The following TMEM230 variants were observed in gnomAD, a reference collection of about 807,000 sequenced individuals.
The protein encoded by TMEM230 is UPF0414 transmembrane protein C20orf30.
Under a neutral mutation model 15.8 loss-of-function variants are expected in TMEM230, and 10 were observed. The observed-to-expected ratio is 0.63, with a 90% CI of 0.39 to 1.07. TMEM230 has a LOEUF of 1.07. TMEM230 is among the 50% of genes least tolerant of loss of function. The pLI is 0.01. For synonymous variants in TMEM230, 67 were observed against 76.9 expected, an observed-to-expected ratio of 0.87 and a Z score of 0.68; for missense variants, 165 against 193.3, an observed-to-expected ratio of 0.85 and a Z score of 0.87.
chr20:5,100,861 C>A lies in TMEM230; in HGVS notation c.482G>T (p.Arg161Leu), dbSNP rs1568498318. Residue 161 changes from arginine to leucine, a missense_variant, in exon 5 of 5, where the codon CGC becomes CTC. By Grantham distance (102) the Arg-to-Leu change is moderately radical. Transcript: ENST00000342308. The stretch of plus-strand genomic sequence containing the variant: ...GCCTTTGGATGCATAGTAAGCGATG[C>A]GCAGGTGGTAAAATCCGGGTAGGAA... 1.2e-6 allele frequency: 2 copies of A among 1,614,116 alleles called. No individual in the cohort carries two copies. The highest frequency in any genetic ancestry group is 1.7e-6 in the Non-Finnish European group (2 of 1,180,028).
At chr20:5,112,811 G>A in intron 1 of TMEM230, 150 bp downstream of exon 1, 4 of 1,511,214 alleles carry the variant, frequency 2.6e-6, no homozygotes, top group Non-Finnish European at 3.5e-6. Context: ...CAAACAAAAC[G>A]GGCTTCTGGA....
At chr20:5,103,514 T>A (rs1318740090) in intron 4 of TMEM230, among the ~76,000 whole-genome samples, 1 of 150,892 alleles carries the variant, frequency 6.6e-6, no homozygotes, top group Non-Finnish European at 1.5e-5. Context: ...GAAAAAAAAA[T>A]TAACCAAGTG....
At chr20:5,069,335 G>A (rs1217908134) in exon 4 of TMEM230, 1 of 1,534,250 alleles carries the variant, frequency 6.5e-7, no homozygotes, top group African/African-American at 1.4e-5. Context: ...GTTCCCGTGA[G>A]GTGGATTCGA....
chr20:5,090,780 G>C (rs993499891), intron 3 of TMEM230, among the ~76,000 whole-genome samples: 1 of 152,140 alleles, frequency 6.6e-6, no homozygotes, highest in Non-Finnish European at 1.5e-5. Context: ...CTGAAAGCAC[G>C]TGTCTGCGAT....
chr20:5,073,439 T>G (rs1030833506), intron 3 of TMEM230, among the ~76,000 whole-genome samples: 5 of 152,244 alleles, frequency 3.3e-5, no homozygotes, highest in African/African-American at 1.2e-4. Flanking sequence ...CTGTGTATCC[T>G]GGCTTGGTGC....
intron 4 of TMEM230, among the ~76,000 whole-genome samples, chr20:5,103,940 GA>G (rs2089973097): frequency 6.6e-6 from 1 of 152,006 alleles, no homozygotes; most frequent in Admixed American, 6.6e-5. Flanking sequence ...ACAGATAAAT[GA>G]GATCACATCC....
intron 3 of TMEM230, among the ~76,000 whole-genome samples, chr20:5,089,231 C>T (rs530372229): frequency 6.6e-6 from 1 of 151,962 alleles, no homozygotes. Flanking sequence ...AAAAATTAGC[C>T]GGGCGTGGTG....
At chr20:5,099,082 T>C (rs2089751046), downstream of TMEM230, among the ~76,000 whole-genome samples, 1 of 151,782 alleles carries the variant, frequency 6.6e-6, no homozygotes, top group Non-Finnish European at 1.5e-5. Context: ...TCCCAACACT[T>C]TGGGAGGCAA....
At position 5,076,729 on chromosome 20, in the gene TMEM230, G is replaced by A. The variant is rs368216447; in HGVS notation, c.223-7380C>T. Among the ~76,000 whole-genome samples, 385 of 142,076 alleles carry A rather than the reference G, an allele frequency of 2.7e-3. 1 individual carries two copies. The highest frequency in any genetic ancestry group is 9.0e-3 in the African/African-American group (345 of 38,410). The allele number at this position is 142,076 out of a possible 152,430, so 93.2% of individuals were successfully genotyped here. On this transcript the variant is annotated intron_variant, in intron 3 of 3. Transcript: ENST00000612323. ...GTCTTGCTTTGTTGCCCAGGCTGGA[G>A]TGCAGTGGTACAGTCTTGGCTCACT...
intron 3 of TMEM230, among the ~76,000 whole-genome samples, chr20:5,083,753 T>A (rs2089250561): frequency 6.6e-6 from 1 of 152,250 alleles, no homozygotes; most frequent in Admixed American, 6.5e-5. Context: ...TGCTTTAGAT[T>A]CTAGAATGCC....
Position 5,100,412 on chromosome 20 carries a change from A to G in TMEM230, c.*379T>C. On this transcript the variant is annotated 3_prime_UTR_variant, in exon 5 of 5. Transcript: ENST00000342308. ...ATATTTTTAAAATAAATTACTTAATAATAAGAAATTAGCCATACCACATTG... is the reference window on the plus strand; with the variant it reads ...ATATTTTTAAAATAAATTACTTAATGATAAGAAATTAGCCATACCACATTG... 1 of 995,124 alleles carries G rather than the reference A, an allele frequency of 1.0e-6. No individual in the cohort carries two copies. 61.6% of individuals were successfully genotyped at this position (995,124 alleles called of 1,614,324 possible).
intron 3 of TMEM230, among the ~76,000 whole-genome samples, chr20:5,078,078 A>C (rs2089058729): frequency 6.6e-6 from 1 of 152,200 alleles, no homozygotes; most frequent in Non-Finnish European, 1.5e-5. Context: ...TCTGAGGCAG[A>C]GCAGTAGAAA....
At chr20:5,092,886 C>T (rs6053103) in intron 3 of TMEM230, among the ~76,000 whole-genome samples, 104,642 of 152,068 alleles carry the variant, frequency 0.69, 36,834 homozygotes, top group East Asian at 0.84. Flanking sequence ...ATTTACCTTG[C>T]ATGACAAATT....
intron 4 of TMEM230, among the ~76,000 whole-genome samples, chr20:5,104,497 T>C (rs145264724): frequency 6.6e-6 from 1 of 152,316 alleles, no homozygotes; most frequent in African/African-American, 2.4e-5. Flanking sequence ...AGAACTACCA[T>C]ATGATCCAGC....
downstream of TMEM230, among the ~76,000 whole-genome samples, chr20:5,099,117 G>C (rs2089751821): frequency 6.6e-6 from 1 of 151,726 alleles, no homozygotes; most frequent in Non-Finnish European, 1.5e-5. Context: ...CTTGAGCCCA[G>C]GAATTCAAGG....
chr20:5,090,899 G>T (rs2089489161), intron 3 of TMEM230, among the ~76,000 whole-genome samples: 1 of 152,182 alleles, frequency 6.6e-6, no homozygotes, highest in South Asian at 2.1e-4. Context: ...ACATGGAAAT[G>T]AAAGTTAATA....
intron 2 of TMEM230, chr20:5,110,940 G>A (rs945787571): frequency 4.6e-5 from 7 of 152,148 alleles, no homozygotes; most frequent in Non-Finnish European, 8.8e-5. Context: ...CCAGAACTTT[G>A]GGAGGCTGAG....
At chr20:5,069,513 T>C (rs1263376920) in intron 3 of TMEM230, among the ~76,000 whole-genome samples, 2 of 152,192 alleles carry the variant, frequency 1.3e-5, no homozygotes, top group Non-Finnish European at 2.9e-5. Flanking sequence ...GTTCACTGCA[T>C]GGTTGTTTGT....
At chr20:5,077,891 T>C (rs1222108868) in intron 3 of TMEM230, among the ~76,000 whole-genome samples, 1 of 152,032 alleles carries the variant, frequency 6.6e-6, no homozygotes, top group Non-Finnish European at 1.5e-5. Flanking sequence ...TACTTGTAAG[T>C]AAGATAAATT....
Sources: allele counts gnomAD v4.1 joint callset (sites outside exome capture counted in the v4.1 genomes callset), GRCh38; gene constraint gnomAD v4.1.1; transcripts MANE v1.5; gene names NCBI Gene and HGNC (gene_info 2026-07-23, HGNC 2026-07-21).